The following HUWE1 variants were observed in gnomAD, a reference collection of about 807,000 sequenced individuals.
HUWE1 encodes E3 ubiquitin-protein ligase HUWE1.
HUWE1 carries 18 observed loss-of-function variants against 299.4 expected under a neutral mutation model. The observed-to-expected ratio is 0.06, with a 90% confidence interval of 0.04 to 0.09. The LOEUF is 0.09. HUWE1 is among the 10% of genes least tolerant of loss of function. HUWE1 has a pLI of 1.00. For synonymous variants in HUWE1, 1,317 were observed against 1,286.1 expected (o/e 1.02, Z -0.51); for missense variants, 1,832 against 3,462.3 (o/e 0.53, Z 11.82).
At chrX:53,571,313 G>A (rs1196939994) in intron 47 of HUWE1, among the ~76,000 whole-genome samples, 1 of 112,700 alleles carries the variant, frequency 8.9e-6, no homozygotes, top group Non-Finnish European at 1.9e-5. Context: ...ATGAGTTAAA[G>A]CTTTGGAATA....
In HUWE1 at chrX:53,573,823, C is replaced by T; in HGVS notation, c.6239G>A (p.Arg2080Lys). The change falls in exon 47 of 84, where the codon AGG becomes AAG. Residue 2080 changes from arginine to lysine, a missense_variant. Physicochemically the swap from Arg to Lys is conservative, Grantham distance 26. Around this residue, in one of 15 missense-constraint regions of HUWE1, gnomAD observed 157 missense variants for 252.3 expected, o/e 0.62. Transcript: ENST00000262854. ...CAGGGTAGCAATACCAACATAGGACCTCACCAACTCTGCCAGAAGACGAAG... is the reference window on the plus strand; with the variant it reads ...CAGGGTAGCAATACCAACATAGGACTTCACCAACTCTGCCAGAAGACGAAG... ...TILRLLAELV[R>K]SYVGIATLIA... The T allele has an allele frequency of 8.3e-7, 1 of 1,211,253 alleles. No individual in the cohort carries two copies. Among genetic ancestry groups the T allele is most frequent in the East Asian group, 3.0e-5 (1 of 33,853 alleles).
intron 68 of HUWE1, among the ~76,000 whole-genome samples, chrX:53,547,260 T>C (rs1009671115): frequency 2.7e-5 from 3 of 112,248 alleles, no homozygotes; most frequent in Non-Finnish European, 5.6e-5. Context: ...CTGGTTACTC[T>C]GAATCACACT....
chrX:53,591,147 G>A (rs782712873), intron 33 of HUWE1, 25 bp from the exon 34 acceptor site: 1 of 1,205,232 alleles, frequency 8.3e-7, no homozygotes, highest in Non-Finnish European at 1.1e-6. Flanking sequence ...CAAGGGCTCA[G>A]AATCACATAA....
intron 23 of HUWE1, among the ~76,000 whole-genome samples, chrX:53,610,092 C>G (rs988131813): frequency 9.0e-6 from 1 of 111,430 alleles, no homozygotes. Flanking sequence ...ACAAACCTTT[C>G]TTTAAGTTCC....
At chrX:53,537,917 T>C (rs1459233962) in intron 77 of HUWE1, among the ~76,000 whole-genome samples, 1 of 111,135 alleles carries the variant, frequency 9.0e-6, no homozygotes, top group African/African-American at 3.3e-5. Context: ...CCCACAAAGA[T>C]TGTGACATGT....
chrX:53,641,930 T>C (rs1366067633), intron 7 of HUWE1, among the ~76,000 whole-genome samples: 1 of 111,258 alleles, frequency 9.0e-6, no homozygotes, highest in Non-Finnish European at 1.9e-5. Flanking sequence ...AGATTTATTT[T>C]CCCTTATCCA....
intron 73 of HUWE1, chrX:53,543,625 G>C (rs1255410989): frequency 8.2e-6 from 4 of 486,765 alleles, no homozygotes; most frequent in Non-Finnish European, 1.3e-5. Context: ...AGCTGGGAGT[G>C]GGGTATGATG....
At chrX:53,653,480 C>T (rs2068593143) in intron 4 of HUWE1, among the ~76,000 whole-genome samples, 1 of 111,333 alleles carries the variant, frequency 9.0e-6, no homozygotes, top group Non-Finnish European at 1.9e-5. Flanking sequence ...CAATGCAATA[C>T]CACTTCCTCA....
rs2066951790 is a variant in HUWE1, at chrX:53,632,699, C to A, written c.568-135G>T. On this transcript the variant is annotated intron_variant, in intron 8 of 83. Coordinates refer to ENST00000262854, the MANE Select transcript of HUWE1 (RefSeq NM_031407.7). ...AGAAGAATAAGCAGTACATTCAGTA[C>A]CTACAGTGCCTTTAACTGTTTGTCT... The A allele has an allele frequency of 3.2e-5, 16 of 507,237 alleles. No individual in the cohort carries two copies. In the South Asian group the frequency reaches 4.2e-4, roughly 13 times the overall value. The allele number at this position is 507,237 out of a possible 1,213,427, so 41.8% of individuals were successfully genotyped here. A position where few individuals can be genotyped will look rare whatever the true frequency, so the allele number is the denominator to read the frequency against.
intron 4 of HUWE1, among the ~76,000 whole-genome samples, chrX:53,651,579 T>G (rs2037638831): frequency 8.9e-6 from 1 of 111,932 alleles, no homozygotes; most frequent in African/African-American, 3.3e-5. Flanking sequence ...GCTTCAAAAT[T>G]TCTATTTTTA....
chrX:53,603,604 C>G, intron 26 of HUWE1, 103 bp from the exon 27 acceptor site: 1 of 758,081 alleles, frequency 1.3e-6, no homozygotes, highest in South Asian at 2.3e-5. Context: ...AGGGATTTTT[C>G]TTCATTGCTA....
chrX:53,663,283 C>T (rs954674158), intron 3 of HUWE1, among the ~76,000 whole-genome samples: 5 of 112,189 alleles, frequency 4.5e-5, no homozygotes, highest in East Asian at 5.7e-4. Flanking sequence ...GAGGCCGAGG[C>T]GGGTGGATCA....
chrX:53,559,325 C>G, intron 57 of HUWE1, 29 bp downstream of exon 57: 1 of 1,193,253 alleles, frequency 8.4e-7, no homozygotes, highest in Non-Finnish European at 1.1e-6. Context: ...CTGACAAATT[C>G]TACCCTCCCT....
Position 53,592,479 on chromosome X carries a change from C to T in HUWE1, c.3891G>A (p.Gly1297=). The stretch of plus-strand genomic sequence containing the variant: ...GCCCTGTATCCTCTTCTCCTCGAGA[C>T]CCCTCCTTCTCCTTGCTTAGTCTCT... ...IRERLSKEKE[G]SRGEEDTGQE... Residue 1297 remains glycine (G), a synonymous_variant, in exon 33 of 84, where the codon GGG becomes GGA. Coordinates refer to ENST00000262854, the MANE Select transcript of HUWE1 (RefSeq NM_031407.7). The T allele has an allele frequency of 8.3e-7, 1 of 1,210,960 alleles. No homozygotes were observed. Among genetic ancestry groups the T allele is most frequent in the Non-Finnish European group, 1.1e-6 (1 of 895,099 alleles).
intron 3 of HUWE1, among the ~76,000 whole-genome samples, chrX:53,668,352 G>GA (rs1293195055): frequency 9.3e-6 from 1 of 106,997 alleles, no homozygotes; most frequent in Non-Finnish European, 1.9e-5. Flanking sequence ...CGAGGCAGAA[G>GA]AATCGCTTGA....
intron 7 of HUWE1, among the ~76,000 whole-genome samples, chrX:53,641,306 T>C (rs1442590824): frequency 8.9e-6 from 1 of 111,972 alleles, no homozygotes; most frequent in Non-Finnish European, 1.9e-5. Flanking sequence ...ACTATAGCTT[T>C]ATGATATTAT....
chrX:53,665,828 T>C (rs1168015880), intron 3 of HUWE1, among the ~76,000 whole-genome samples: 1 of 111,942 alleles, frequency 8.9e-6, no homozygotes, highest in Non-Finnish European at 1.9e-5. Context: ...CTCTGGAATA[T>C]TCCTAGTCTA....
chrX:53,575,677 C>T lies in HUWE1; in HGVS notation c.5996G>A (p.Ser1999Asn). Reference protein sequence around the residue: ...QQYRSLTRQSSDFDTQSGFSI... With the variant: ...QQYRSLTRQSNDFDTQSGFSI... ...AAAACCTGACTGCGTATCAAAGTCA[C>T]TGCTCTGACGCGTAAGTGACCGGTA... is the stretch of plus-strand genomic sequence containing the variant. The change falls in exon 45 of 84, where the codon AGT becomes AAT. Residue 1999 changes from serine (S) to asparagine (N), a missense_variant. Coordinates refer to ENST00000262854, the MANE Select transcript of HUWE1 (RefSeq NM_031407.7). The T allele has an allele frequency of 3.3e-6, 4 of 1,211,686 alleles. No homozygotes were observed. The highest frequency in any genetic ancestry group is 4.5e-6 in the Non-Finnish European group (4 of 895,157).
At position 53,587,929 on chromosome X, in the gene HUWE1, A is replaced by C. The variant is rs1233435549; in HGVS notation, c.4614+453T>G. ...AAATAGGCAAGGAAAAGAGAGAGGA[A>C]TCTGATTTCATCTAATGTCTATTAC... On this transcript the variant is annotated intron_variant, in intron 37 of 83. Coordinates refer to ENST00000262854, the MANE Select transcript of HUWE1 (RefSeq NM_031407.7). Among the ~76,000 whole-genome samples, 3 of 111,994 alleles carry C rather than the reference A, an allele frequency of 2.7e-5. No homozygotes were observed. The Admixed American group carries it at 2.8e-4, about 11-fold the overall frequency.
Sources: allele counts gnomAD v4.1 joint callset (sites outside exome capture counted in the v4.1 genomes callset), GRCh38; gene constraint gnomAD v4.1.1; regional missense constraint gnomAD v4.1.1; transcripts MANE v1.5; gene names NCBI Gene and HGNC (gene_info 2026-07-23, HGNC 2026-07-21).